SCOC: variants seen among roughly 807,000 people sequenced by gnomAD.
SCOC encodes the protein short coiled-coil protein, also known as short coiled coil protein.
A neutral mutation model predicts 9.9 loss-of-function variants in SCOC; 7 were observed. That is an observed-to-expected ratio of 0.71 (90% CI 0.40 to 1.33). The LOEUF (loss-of-function observed/expected upper bound fraction) is 1.33, where lower values mean the gene tolerates loss of function less well. SCOC is among the 40% of genes most tolerant of loss of function. The pLI, the probability that SCOC is intolerant of heterozygous loss-of-function variation, is 0.01. For missense variants in SCOC, 66 were observed against 89.7 expected, an observed-to-expected ratio of 0.74 and a Z score of 1.07; for synonymous variants, 19 against 28.2, an observed-to-expected ratio of 0.67 and a Z score of 1.03.
At chr4:140,273,067 G>A (rs1578759177) in intron 1 of SCOC, among the ~76,000 whole-genome samples, 2 of 152,194 alleles carry the variant, frequency 1.3e-5, no homozygotes, top group East Asian at 1.9e-4. Flanking sequence ...CATTTTTATC[G>A]ACGTTCCCCA....
chr4:140,379,528 C>T, intron 2 of SCOC, 41 bp from the exon 3 acceptor site: 2 of 1,395,810 alleles, frequency 1.4e-6, no homozygotes, highest in Non-Finnish European at 2.0e-6. Flanking sequence ...ACAAATGTAC[C>T]TAATGCTAAT....
At chr4:140,379,256 A>G in intron 2 of SCOC, 64 bp downstream of exon 2, 1 of 1,063,092 alleles carries the variant, frequency 9.4e-7, no homozygotes, top group Non-Finnish European at 1.5e-6. Flanking sequence ...TTTATTAAGC[A>G]ATGGAAAGGG....
intron 1 of SCOC, among the ~76,000 whole-genome samples, chr4:140,378,005 C>T (rs543643905): frequency 3.7e-4 from 57 of 152,156 alleles, no homozygotes; most frequent in African/African-American, 1.3e-3. Context: ...ATATTTTGAA[C>T]ATATTGAATG....
In SCOC at chr4:140,382,083, A is replaced by T. The variant is rs1483662036; in HGVS notation, c.*979A>T. 6.6e-6 allele frequency: 1 copy of T among 152,196 alleles called. No individual in the cohort carries two copies. The highest frequency in any genetic ancestry group is 1.5e-5 in the Non-Finnish European group (1 of 68,030). The allele number at this position is 152,196 out of a possible 1,614,324, so 9.4% of individuals were successfully genotyped here. ...TTGGTCTCTAAGTTGATTTGTACCC[A>T]GTGGGTCAACTTCTGCAAAATTCCG... On this transcript the variant is annotated 3_prime_UTR_variant, in exon 4 of 4. Coordinates refer to ENST00000608372, the MANE Select transcript of SCOC (RefSeq NM_001153484.2).
intron 2 of SCOC, among the ~76,000 whole-genome samples, chr4:140,355,165 TAAG>T (rs1313927762): frequency 1.3e-5 from 2 of 149,698 alleles, no homozygotes; most frequent in African/African-American, 4.9e-5. Context: ...CAGAAAAATG[TAAG>T]AAGGTGAGAC....
chr4:140,375,924 A>G (rs1289020648), intron 1 of SCOC, among the ~76,000 whole-genome samples: 1 of 152,192 alleles, frequency 6.6e-6, no homozygotes, highest in Non-Finnish European at 1.5e-5. Flanking sequence ...AATTCATTTC[A>G]GTGTTCCCAC....
At position 140,285,812 on chromosome 4, in the gene SCOC, C is replaced by G. The variant is rs111295314; in HGVS notation, c.-19+28402C>G. 6.9e-3 allele frequency among the ~76,000 whole-genome samples: 1,057 copies of G among 152,226 alleles called. 9 individuals are homozygous for G. Among genetic ancestry groups the G allele is most frequent in the Non-Finnish European group, 0.011 (716 of 68,016 alleles). On this transcript the variant is annotated intron_variant, in intron 1 of 4. Transcript: ENST00000394205. ...AGATGGTTGGAAACAGACCTGGTTT[C>G]CATCCATGCATCTCTATGAAGGCAT...
intron 1 of SCOC, among the ~76,000 whole-genome samples, chr4:140,258,916 C>A (rs6816938): frequency 0.13 from 20,139 of 152,240 alleles, 1,932 homozygotes; most frequent in East Asian, 0.3. Flanking sequence ...ACACACTTAC[C>A]TCTGAGCCAG....
intron 2 of SCOC, chr4:140,366,708 A>G: frequency 6.3e-7 from 1 of 1,586,790 alleles, no homozygotes; most frequent in Non-Finnish European, 8.6e-7. Context: ...TGCACTTGAA[A>G]GGCATGGTCT....
intron 1 of SCOC, among the ~76,000 whole-genome samples, chr4:140,301,578 G>A (rs1041550300): frequency 6.6e-6 from 1 of 152,154 alleles, no homozygotes. Flanking sequence ...CACCAGCAAC[G>A]TTCTGGACCT....
At chr4:140,313,946 G>A (rs1732233802) in intron 1 of SCOC, among the ~76,000 whole-genome samples, 1 of 152,026 alleles carries the variant, frequency 6.6e-6, no homozygotes, top group African/African-American at 2.4e-5. Flanking sequence ...TGGCCAACAT[G>A]GCAAAACCCT....
chr4:140,379,876 T>TA (rs1373384901), intron 3 of SCOC, among the ~76,000 whole-genome samples: 1 of 152,204 alleles, frequency 6.6e-6, no homozygotes, highest in African/African-American at 2.4e-5. Context: ...AAGCCTAACA[T>TA]AATGCTGGCT....
intron 1 of SCOC, among the ~76,000 whole-genome samples, chr4:140,331,306 T>C (rs1235669215): frequency 6.6e-6 from 1 of 152,204 alleles, no homozygotes; most frequent in Non-Finnish European, 1.5e-5. Flanking sequence ...ACATTTTCCA[T>C]CCTGTTCTCC....
chr4:140,343,558 TA>T, intron 1 of SCOC: 3 of 1,041,292 alleles, frequency 2.9e-6, no homozygotes, highest in Non-Finnish European at 4.5e-6. Flanking sequence ...ATTAATGATT[TA>T]ACAAGGGCGG....
chr4:140,315,247 T>C (rs1732281319), intron 1 of SCOC, among the ~76,000 whole-genome samples: 1 of 152,200 alleles, frequency 6.6e-6, no homozygotes. Context: ...CAGTACAAAG[T>C]AGTAGACAGT....
intron 1 of SCOC, among the ~76,000 whole-genome samples, chr4:140,282,044 C>T (rs894132653): frequency 2.6e-5 from 4 of 152,242 alleles, no homozygotes; most frequent in South Asian, 2.1e-4. Context: ...GAAAGCAATC[C>T]GGGCATTCCC....
chr4:140,354,553 A>T (rs1727126311), intron 2 of SCOC, among the ~76,000 whole-genome samples: 1 of 145,910 alleles, frequency 6.9e-6, no homozygotes, highest in Non-Finnish European at 1.5e-5. Flanking sequence ...TTTTACCAAC[A>T]CAAACAGTAA....
chr4:140,267,860 T>A (rs1346806074), intron 1 of SCOC, among the ~76,000 whole-genome samples: 1 of 152,174 alleles, frequency 6.6e-6, no homozygotes, highest in East Asian at 1.9e-4. Context: ...TGTCTGGAAT[T>A]CCCTGGTGGT....
At chr4:140,338,658 GACAA>G (rs1241443579), upstream of SCOC, among the ~76,000 whole-genome samples, 16 of 152,206 alleles carry the variant, frequency 1.1e-4, no homozygotes, top group Middle Eastern at 3.4e-3. Context: ...ACCAATAACA[GACAA>G]ACAGAGAGCC....
Sources: gnomAD v4.1 joint callset for allele counts (sites outside exome capture counted in the v4.1 genomes callset) on GRCh38, gnomAD v4.1.1 for gene constraint, MANE v1.5 for transcripts, NCBI Gene and HGNC (gene_info 2026-07-23, HGNC 2026-07-21) for gene names.